Variants in CTDSPL observed in about 807,000 individuals in gnomAD.
The protein encoded by CTDSPL is CTD small phosphatase like.
CTDSPL carries 8 observed loss-of-function variants against 30.5 expected under a neutral mutation model. That is an observed-to-expected ratio of 0.26 (90% CI 0.15 to 0.47). The LOEUF is 0.47. Ranked by LOEUF, CTDSPL falls within the 20% of genes least tolerant of loss-of-function variation. The pLI is 0.99. For synonymous variants in CTDSPL, 110 were observed against 137.9 expected (o/e 0.80, Z 1.42); for missense variants, 248 against 366.1 (o/e 0.68, Z 2.63).
At chr3:37,957,656 G>A (rs756254596) in intron 3 of CTDSPL, among the ~76,000 whole-genome samples, 1 of 152,062 alleles carries the variant, frequency 6.6e-6, no homozygotes, top group Non-Finnish European at 1.5e-5. Context: ...CTATATTCTC[G>A]GGACTTGCAG....
intron 1 of CTDSPL, among the ~76,000 whole-genome samples, chr3:37,896,661 C>T (rs553388797): frequency 2.4e-4 from 36 of 152,186 alleles, no homozygotes; most frequent in Non-Finnish European, 5.0e-4. Context: ...CTCAGCACCC[C>T]CTGAGTAGCT....
At chr3:37,867,995 A>G (rs767215442) in intron 1 of CTDSPL, among the ~76,000 whole-genome samples, 2 of 151,930 alleles carry the variant, frequency 1.3e-5, no homozygotes, top group Non-Finnish European at 2.9e-5. Flanking sequence ...ATATTTGTAC[A>G]TTTTTCTGAG....
chr3:37,881,816 G>A (rs924681796), intron 1 of CTDSPL, among the ~76,000 whole-genome samples: 5 of 152,254 alleles, frequency 3.3e-5, no homozygotes, highest in African/African-American at 7.2e-5. Context: ...ATTTATAATA[G>A]TTATTTTTGG....
At chr3:37,875,812 G>A (rs1021403587) in intron 1 of CTDSPL, among the ~76,000 whole-genome samples, 5 of 152,164 alleles carry the variant, frequency 3.3e-5, no homozygotes, top group Non-Finnish European at 7.3e-5. Context: ...CATAGCAATC[G>A]TGAAATAAGT....
At chr3:37,949,545 A>G (rs1699084735) in intron 2 of CTDSPL, among the ~76,000 whole-genome samples, 2 of 152,228 alleles carry the variant, frequency 1.3e-5, no homozygotes, top group African/African-American at 4.8e-5. Flanking sequence ...GTTCTCTCAC[A>G]CACATACACA....
chr3:37,863,421 G>A (rs1346201137), intron 1 of CTDSPL, among the ~76,000 whole-genome samples: 1 of 152,188 alleles, frequency 6.6e-6, no homozygotes, highest in Non-Finnish European at 1.5e-5. Context: ...TGCATGCCTG[G>A]AACTTTCTGT....
chr3:37,870,492 T>G (rs1698059996), intron 1 of CTDSPL, among the ~76,000 whole-genome samples: 1 of 152,204 alleles, frequency 6.6e-6, no homozygotes, highest in African/African-American at 2.4e-5. Context: ...CTCAATTTTC[T>G]TATTCTTTAC....
intron 2 of CTDSPL, among the ~76,000 whole-genome samples, chr3:37,952,024 G>T (rs989193691): frequency 6.6e-6 from 1 of 152,014 alleles, no homozygotes; most frequent in Non-Finnish European, 1.5e-5. Context: ...GTAAGTAAAA[G>T]AAAACTGCTG....
intron 7 of CTDSPL, among the ~76,000 whole-genome samples, chr3:37,979,953 A>G (rs1443723156): frequency 3.3e-5 from 5 of 151,052 alleles, no homozygotes; most frequent in Non-Finnish European, 7.4e-5. Flanking sequence ...CCTCTCCTCC[A>G]CTCTCTCCCC....
intron 5 of CTDSPL, among the ~76,000 whole-genome samples, chr3:37,970,498 C>A (rs948892769): frequency 1.3e-5 from 2 of 152,166 alleles, no homozygotes; most frequent in Non-Finnish European, 2.9e-5. Flanking sequence ...AGTGAAGTGG[C>A]TAATTTCAAA....
intron 1 of CTDSPL, among the ~76,000 whole-genome samples, chr3:37,908,608 G>A (rs1286881709): frequency 3.3e-5 from 5 of 152,170 alleles, no homozygotes; most frequent in Admixed American, 2.0e-4. Flanking sequence ...TATGCTGCAT[G>A]TATAGCTTCT....
At chr3:37,933,148 C>G (rs1698875034) in intron 1 of CTDSPL, among the ~76,000 whole-genome samples, 1 of 139,974 alleles carries the variant, frequency 7.1e-6, no homozygotes, top group South Asian at 2.2e-4. Flanking sequence ...GCAAGACACT[C>G]TGTCTCAAGA....
At chr3:37,971,736 G>A (rs1222244522) in intron 6 of CTDSPL, among the ~76,000 whole-genome samples, 2 of 152,212 alleles carry the variant, frequency 1.3e-5, no homozygotes, top group Admixed American at 6.5e-5. Flanking sequence ...GTTGCTGTGT[G>A]CAGCCACCTG....
chr3:37,892,565 GT>G (rs534446014), intron 1 of CTDSPL, among the ~76,000 whole-genome samples: 8,535 of 147,852 alleles, frequency 0.058, 307 homozygotes, highest in African/African-American at 0.11. Flanking sequence ...AATATGACAA[GT>G]TTTTTTTTTT....
At chr3:37,921,388 C>G (rs62239982) in intron 1 of CTDSPL, among the ~76,000 whole-genome samples, 9,843 of 152,242 alleles carry the variant, frequency 0.065, 495 homozygotes, top group Non-Finnish European at 0.093. Flanking sequence ...ATGTAAGGGA[C>G]AAGTGTCTGC....
rs550719710 is a variant in CTDSPL, at chr3:37,979,294, C to T, written c.706-1448C>T. On this transcript the variant is annotated intron_variant, in intron 7 of 7. Coordinates refer to ENST00000273179, the MANE Select transcript of CTDSPL (RefSeq NM_001008392.2). ...CCTGGACAACAAAGCAAGATCCTGT[C>T]GCTACTAAAAAAAAAAGAAAAAAAA... is the stretch of plus-strand genomic sequence containing the variant. Among the ~76,000 whole-genome samples, 26 of 148,570 alleles carry T rather than the reference C, an allele frequency of 1.8e-4. No homozygotes were observed. In the South Asian group the frequency reaches 4.7e-3, roughly 27 times the overall value.
At chr3:37,926,024 C>T (rs938828569) in intron 1 of CTDSPL, among the ~76,000 whole-genome samples, 4 of 152,122 alleles carry the variant, frequency 2.6e-5, no homozygotes, top group African/African-American at 7.2e-5. Context: ...TTATCTATTC[C>T]ACAGTAGCTG....
intron 2 of CTDSPL, among the ~76,000 whole-genome samples, chr3:37,953,721 A>G (rs1039787861): frequency 1.3e-5 from 2 of 152,234 alleles, no homozygotes; most frequent in East Asian, 1.9e-4. Context: ...ACTGTATAGT[A>G]GCCCATAAAT....
chr3:37,975,369 G>C lies in CTDSPL; in HGVS notation c.520-340G>C, dbSNP rs940369678. Among the ~76,000 whole-genome samples, 6 of 152,224 alleles carry C rather than the reference G, an allele frequency of 3.9e-5. No individual in the cohort carries two copies. Among genetic ancestry groups the C allele is most frequent in the Non-Finnish European group, 7.3e-5 (5 of 68,040 alleles). Reference sequence around the variant, plus strand: ...GCTTCTAGGTGAATGGGCTAGAAAGGAGGCCCCGTGGGAAAGACAGGTTTT... The same window carrying C: ...GCTTCTAGGTGAATGGGCTAGAAAGCAGGCCCCGTGGGAAAGACAGGTTTT... On this transcript the variant is annotated intron_variant, in intron 6 of 7. Transcript: ENST00000273179. This position sits in a 1 kb window ranked among gnomAD's most constrained non-coding sequence, Gnocchi z 4.9.
Sources: allele counts gnomAD v4.1 joint callset (sites outside exome capture counted in the v4.1 genomes callset), GRCh38; gene constraint gnomAD v4.1.1; non-coding constraint Gnocchi (gnomAD v3.1); transcripts MANE v1.5; gene names NCBI Gene and HGNC (gene_info 2026-07-23, HGNC 2026-07-21).